RAB44: variants seen among roughly 807,000 people sequenced by gnomAD.
The protein encoded by RAB44 is RAB44, member RAS oncogene family.
Under a neutral mutation model 93.3 loss-of-function variants are expected in RAB44, and 67 were observed. The ratio of observed to expected loss-of-function variants is 0.72; its 90% CI spans 0.59 to 0.88. RAB44 has a LOEUF of 0.88. Among genes scored for constraint, RAB44 ranks in the 40% least tolerant of loss-of-function variants. The pLI, the probability that RAB44 is intolerant of heterozygous loss-of-function variation, is 0.00. For synonymous variants in RAB44, 427 were observed against 520.3 expected (o/e 0.82, Z 2.44); for missense variants, 1,064 against 1,261.7 (o/e 0.84, Z 2.37).
intron 9 of RAB44, among the ~76,000 whole-genome samples, chr6:36,725,300 T>G (rs1763209409): frequency 6.6e-6 from 1 of 152,200 alleles, no homozygotes; most frequent in African/African-American, 2.4e-5. Flanking sequence ...CTCAGCCTCC[T>G]GAGTAGCTGG....
At chr6:36,718,223 G>A (rs984454995) in intron 6 of RAB44, 105 bp downstream of exon 6, 17 of 712,372 alleles carry the variant, frequency 2.4e-5, no homozygotes, top group Middle Eastern at 9.0e-4. Flanking sequence ...GGAGGCTGCT[G>A]TAGTGAATCC....
intron 1 of RAB44, among the ~76,000 whole-genome samples, chr6:36,698,877 C>T (rs934138983): frequency 2.6e-5 from 4 of 152,188 alleles, no homozygotes; most frequent in East Asian, 1.9e-4. Flanking sequence ...TGTGCGTGCA[C>T]GTTTGCACGT....
chr6:36,726,122 G>T (rs368698003), intron 10 of RAB44, among the ~76,000 whole-genome samples, 179 bp downstream of exon 10: 18 of 152,170 alleles, frequency 1.2e-4, no homozygotes, highest in African/African-American at 4.1e-4. Flanking sequence ...AGAGCCAGAG[G>T]TCCCTCAGCC....
intron 7 of RAB44, among the ~76,000 whole-genome samples, chr6:36,718,853 C>T (rs1206096932): frequency 6.6e-6 from 1 of 152,124 alleles, no homozygotes; most frequent in Non-Finnish European, 1.5e-5. Context: ...GGTCTTATAG[C>T]CTGTAGTCAC....
intron 2 of RAB44, among the ~76,000 whole-genome samples, chr6:36,712,157 G>T (rs550522277): frequency 6.6e-6 from 1 of 151,334 alleles, no homozygotes; most frequent in Admixed American, 6.6e-5. Flanking sequence ...ACAAAAACTA[G>T]CCAGGTGTGG....
At chr6:36,726,551 A>G (rs935859215) in intron 10 of RAB44, among the ~76,000 whole-genome samples, 3 of 152,126 alleles carry the variant, frequency 2.0e-5, no homozygotes, top group African/African-American at 7.2e-5. Flanking sequence ...CAGTGATAAA[A>G]ACTTAAAAGG....
intron 12 of RAB44, among the ~76,000 whole-genome samples, chr6:36,730,397 G>T (rs965776675): frequency 6.6e-6 from 1 of 152,192 alleles, no homozygotes; most frequent in Non-Finnish European, 1.5e-5. Context: ...ATTTCTCCAA[G>T]TTGGGATGCA....
At position 36,722,722 on chromosome 6, in the gene RAB44, C is replaced by T; in HGVS notation, c.2588C>T (p.Thr863Ile). The T allele has an allele frequency of 1.9e-6, 3 of 1,550,630 alleles. No individual in the cohort carries two copies. The highest frequency in any genetic ancestry group is 2.6e-6 in the Non-Finnish European group (3 of 1,146,990). The change falls in exon 9 of 14, where the codon ACA (threonine) becomes ATA (isoleucine). Residue 863 changes from threonine (T) to isoleucine (I), a missense_variant. By Grantham distance (89) the Thr-to-Ile change is moderately conservative. Coordinates refer to ENST00000612677, the MANE Select transcript of RAB44 (RefSeq NM_001257357.2). ...LHQNSFATGL[T>I]ATVGVDFRVK... is the part of the protein sequence containing the mutation. ...CAGAATTCTTTCGCCACCGGATTGACAGCTACCGTGGGTAAGGGCATTGGG... is the reference window on the plus strand; with the variant it reads ...CAGAATTCTTTCGCCACCGGATTGATAGCTACCGTGGGTAAGGGCATTGGG...
intron 3 of RAB44, among the ~76,000 whole-genome samples, chr6:36,714,147 G>T (rs1045122634): frequency 1.3e-5 from 2 of 152,216 alleles, no homozygotes; most frequent in Non-Finnish European, 2.9e-5. Flanking sequence ...TGACTCCTAT[G>T]TCTTCTCCCC....
rs892637890 is a variant in RAB44, at chr6:36,697,915, G to C, written c.-13G>C. 2 of 152,350 alleles carry C rather than the reference G, an allele frequency of 1.3e-5. No individual in the cohort carries two copies. Among genetic ancestry groups the C allele is most frequent in the African/African-American group, 4.8e-5 (2 of 41,458 alleles). 9.4% of individuals were successfully genotyped at this position (152,350 alleles called of 1,614,324 possible). ...TGTGTTCCACTGGGAGCCTTTGAGA[G>C]GTAGGAGCCATCCCAAGGTTGCAAT... On this transcript the variant is annotated splice_region_variant and 5_prime_UTR_variant, in exon 1 of 14. Transcript: ENST00000612677.
intron 2 of RAB44, among the ~76,000 whole-genome samples, chr6:36,711,599 T>C (rs1762788320): frequency 6.6e-6 from 1 of 151,806 alleles, no homozygotes; most frequent in South Asian, 2.1e-4. Context: ...ATTTCAGTTA[T>C]TTTCTGTTAT....
At chr6:36,699,233 C>G (rs1413453532) in intron 1 of RAB44, among the ~76,000 whole-genome samples, 1 of 152,092 alleles carries the variant, frequency 6.6e-6, no homozygotes, top group Non-Finnish European at 1.5e-5. Context: ...GTGCTATTTT[C>G]TTAAAAAATG....
At position 36,729,077 on chromosome 6, in the gene RAB44, A is replaced by C. The variant is rs192519484; in HGVS notation, c.2898+276A>C. Among the ~76,000 whole-genome samples, 693 of 152,300 alleles carry C rather than the reference A, an allele frequency of 4.6e-3. 6 individuals carry two copies. Among genetic ancestry groups the C allele is most frequent in the African/African-American group, 0.013 (558 of 41,554 alleles). The stretch of plus-strand genomic sequence containing the variant: ...CTCACTGTTGAATTAGCACATTCCC[A>C]CACCATGTCCCCACCTACATAAGAA... On this transcript the variant is annotated intron_variant, in intron 12 of 13. Transcript: ENST00000612677.
chr6:36,721,333 GC>G lies in RAB44; in HGVS notation c.1204del (p.Gln402ArgfsTer37). The G allele has an allele frequency of 1.6e-6, 2 of 1,233,874 alleles. No homozygotes were observed. The highest frequency in any genetic ancestry group is 1.0e-6 in the Non-Finnish European group (1 of 988,032). 76.4% of individuals were successfully genotyped at this position (1,233,874 alleles called of 1,614,324 possible). A position where few individuals can be genotyped will look rare whatever the true frequency, so the allele number is the denominator to read the frequency against. On this transcript the variant is annotated frameshift_variant, in exon 9 of 14. Transcript: ENST00000612677. LOFTEE classifies it high-confidence loss of function. ...SPPPTPRATS[G>X]PQTPRVVRQI... ...CCCCCGACCCCAAGAGCCACCTCAG[GC>G]CCCCAGACACCCCGTGTGGTCAGGC...
chr6:36,720,510 G>A lies in RAB44; in HGVS notation c.976G>A (p.Ala326Thr), dbSNP rs1038677636. 16 of 1,233,500 alleles carry A rather than the reference G, an allele frequency of 1.3e-5. No homozygotes were observed. The highest frequency in any genetic ancestry group is 3.2e-5 in the East Asian group (1 of 31,706). 76.4% of individuals were successfully genotyped at this position (1,233,500 alleles called of 1,614,324 possible). A position where few individuals can be genotyped will look rare whatever the true frequency, so the allele number is the denominator to read the frequency against. The change falls in exon 8 of 14, where the codon GCC becomes ACC. Residue 326 changes from alanine (A) to threonine (T), a missense_variant. Transcript: ENST00000612677. ...GGTGACCAGGGGGCGCCTGGACGCC[G>A]CCAGGGGCCGGGTGTCCTGGCAGGT... ...LQVTRGRLDA[A>T]RGRVSWQVEE...
rs114763414 is a variant in RAB44 at position 36,707,599 on chromosome 6, A to G, written c.207+3157A>G. ...TTTTGGACTCAAAAGAGTTGTAGGA[A>G]TCCTCAGTCTACTAGCTCAGTCAAA... On this transcript the variant is annotated intron_variant, in intron 2 of 13. Coordinates refer to ENST00000612677, the MANE Select transcript of RAB44 (RefSeq NM_001257357.2). Among the ~76,000 whole-genome samples the G allele has an allele frequency of 5.1e-3, 781 of 152,314 alleles. 2 individuals carry two copies. Among genetic ancestry groups the G allele is most frequent in the African/African-American group, 0.014 (582 of 41,558 alleles).
rs557614679 is a variant in RAB44 at position 36,709,939 on chromosome 6, C to T, written c.208-3889C>T. 2.1e-4 allele frequency among the ~76,000 whole-genome samples: 32 copies of T among 152,296 alleles called. 2 individuals carry two copies. The South Asian group carries it at 6.4e-3, about 31-fold the overall frequency. ...GTAAATAATTGAGAACTGTCTTATACAAGCATTTTAGCAGACAAGCAAAGC... is the reference window on the plus strand; with the variant it reads ...GTAAATAATTGAGAACTGTCTTATATAAGCATTTTAGCAGACAAGCAAAGC... On this transcript the variant is annotated intron_variant, in intron 2 of 13. Transcript: ENST00000612677.
chr6:36,717,130 T>C lies in RAB44; in HGVS notation c.495-143T>C, dbSNP rs1029075001. The C allele has an allele frequency of 1.8e-5, 13 of 739,090 alleles. No homozygotes were observed. The highest frequency in any genetic ancestry group is 2.4e-5 in the Non-Finnish European group (13 of 538,594). The allele number at this position is 739,090 out of a possible 1,614,324, so 45.8% of individuals were successfully genotyped here. On this transcript the variant is annotated intron_variant, in intron 4 of 13. Coordinates refer to ENST00000612677, the MANE Select transcript of RAB44 (RefSeq NM_001257357.2). This position sits in a 1 kb window ranked among gnomAD's most constrained non-coding sequence, Gnocchi z 4.1. Reference sequence around the variant, plus strand: ...TGGAGGAGGTGGCGTTTTAGTTGCATCTTGTAGGGTGTCAATAGATTTGGC... The same window carrying C: ...TGGAGGAGGTGGCGTTTTAGTTGCACCTTGTAGGGTGTCAATAGATTTGGC...
chr6:36,726,099 G>C (rs981230346), intron 10 of RAB44, among the ~76,000 whole-genome samples, 156 bp downstream of exon 10: 2 of 152,152 alleles, frequency 1.3e-5, no homozygotes, highest in Non-Finnish European at 2.9e-5. Context: ...CAAGGCAGGG[G>C]AGAGAGGGCA....
Sources: gnomAD v4.1 joint callset for allele counts (sites outside exome capture counted in the v4.1 genomes callset) on GRCh38, gnomAD v4.1.1 for gene constraint, Gnocchi (gnomAD v3.1) non-coding constraint, MANE v1.5 for transcripts, NCBI Gene and HGNC (gene_info 2026-07-23, HGNC 2026-07-21) for gene names.